Variants in FOCAD observed in about 807,000 individuals in gnomAD.
The protein encoded by FOCAD is KIAA1797.
Under a neutral mutation model 225.6 loss-of-function variants are expected in FOCAD, and 198 were observed. The ratio of observed to expected loss-of-function variants is 0.88; its 90% CI spans 0.78 to 0.99. FOCAD has a LOEUF of 0.99. Among genes scored for constraint, FOCAD ranks in the 50% least tolerant of loss-of-function variants. FOCAD has a pLI of 0.00. For missense variants in FOCAD, 2,713 were observed against 2,123.6 expected (o/e 1.28, Z -5.46); for synonymous variants, 897 against 755.0 (o/e 1.19, Z -3.08).
chr9:20,669,394 C>G (rs974898794), intron 2 of FOCAD, among the ~76,000 whole-genome samples: 6 of 152,130 alleles, frequency 3.9e-5, no homozygotes, highest in African/African-American at 1.4e-4. Flanking sequence ...CTTGGTTATT[C>G]TAAAATAATT....
intron 35 of FOCAD, among the ~76,000 whole-genome samples, chr9:20,954,376 T>G (rs1486294750): frequency 6.6e-6 from 1 of 152,156 alleles, no homozygotes; most frequent in Non-Finnish European, 1.5e-5. Context: ...CTGCTATATT[T>G]TTTGTTAGGT....
chr9:20,742,377 G>T (rs1273508652), intron 5 of FOCAD, among the ~76,000 whole-genome samples: 1 of 152,188 alleles, frequency 6.6e-6, no homozygotes, highest in Non-Finnish European at 1.5e-5. Flanking sequence ...TTGAAGTGCA[G>T]ATTCTTTTTC....
In FOCAD at chr9:20,935,346, G is replaced by A. The variant is rs533680405; in HGVS notation, c.3407+2243G>A. The stretch of plus-strand genomic sequence containing the variant: ...TTTTGACTTACGTTTATCATACAAG[G>A]CACATGTATGGGGACATGGATGCAT... On this transcript the variant is annotated intron_variant, in intron 28 of 43. Coordinates refer to ENST00000338382, the MANE Select transcript of FOCAD (RefSeq NM_001375567.1). Among the ~76,000 whole-genome samples the A allele has an allele frequency of 9.2e-5, 14 of 152,218 alleles. No homozygotes were observed. In the South Asian group the frequency reaches 2.7e-3, roughly 29 times the overall value.
intron 7 of FOCAD, 64 bp downstream of exon 7, chr9:20,765,137 A>G (rs113175785): frequency 2.1e-6 from 3 of 1,412,638 alleles, no homozygotes; most frequent in Non-Finnish European, 1.9e-6. Flanking sequence ...ATTGTCATAG[A>G]CAAAGTAGTT....
intron 27 of FOCAD, among the ~76,000 whole-genome samples, chr9:20,930,263 T>A (rs1835343557): frequency 1.3e-5 from 2 of 152,330 alleles, no homozygotes; most frequent in South Asian, 4.1e-4. Context: ...AAGGTTTTTT[T>A]AGTGCATCAG....
chr9:20,725,289 G>T (rs1460948682), intron 4 of FOCAD, among the ~76,000 whole-genome samples: 1 of 152,100 alleles, frequency 6.6e-6, no homozygotes, highest in Non-Finnish European at 1.5e-5. Flanking sequence ...TCTTTAATTA[G>T]AGGTTTATTG....
intron 4 of FOCAD, among the ~76,000 whole-genome samples, chr9:20,738,320 A>G (rs779410165): frequency 2.6e-5 from 4 of 152,234 alleles, no homozygotes; most frequent in Non-Finnish European, 2.9e-5. Flanking sequence ...TCTAGTTTAC[A>G]AAAAGATTTC....
At chr9:20,718,384 A>G (rs1471141336) in intron 3 of FOCAD, among the ~76,000 whole-genome samples, 2 of 152,214 alleles carry the variant, frequency 1.3e-5, no homozygotes, top group East Asian at 3.8e-4. Context: ...GCTTACTGAG[A>G]TACACTTGGG....
rs1288949452 is a variant in FOCAD, at chr9:20,862,659, A to G, written c.2002A>G (p.Ser668Gly). The change falls in exon 16 of 44, where the codon AGT becomes GGT. Residue 668 changes from serine to glycine, a missense_variant. Ser to Gly is a moderately conservative substitution (Grantham distance 56, BLOSUM62 0). Coordinates refer to ENST00000338382, the MANE Select transcript of FOCAD (RefSeq NM_001375567.1). ...DTRPLILKTL[S>G]ELFSLVPSLT... ...AAGACCTCTCATTCTGAAGACACTG[A>G]GTGAACTATTTTCTCTAGTTCCTTC... 1.2e-6 allele frequency: 2 copies of G among 1,613,628 alleles called. No homozygotes were observed. The highest frequency in any genetic ancestry group is 1.7e-6 in the Non-Finnish European group (2 of 1,179,658).
chr9:20,912,815 A>T, intron 22 of FOCAD, 51 bp from the exon 23 acceptor site: 1 of 1,460,216 alleles, frequency 6.8e-7, no homozygotes, highest in Non-Finnish European at 9.6e-7. Context: ...AAATTTTAAG[A>T]TCACTTCAGC....
At chr9:20,707,487 C>T (rs921744907) in intron 1 of FOCAD, among the ~76,000 whole-genome samples, 19 of 152,136 alleles carry the variant, frequency 1.2e-4, no homozygotes, top group African/African-American at 3.6e-4. Context: ...TCCCCAAGAA[C>T]TTAACTACCA....
intron 11 of FOCAD, among the ~76,000 whole-genome samples, chr9:20,813,997 C>T (rs375192121): frequency 7.9e-5 from 12 of 152,006 alleles, no homozygotes; most frequent in African/African-American, 1.9e-4. Flanking sequence ...TCTCTTGTGA[C>T]GATTTTTTAT....
intron 6 of FOCAD, among the ~76,000 whole-genome samples, chr9:20,763,732 G>C (rs1014724330): frequency 1.3e-5 from 2 of 152,150 alleles, no homozygotes; most frequent in Non-Finnish European, 2.9e-5. Flanking sequence ...TGAATGAAGA[G>C]CAAGAAATGA....
At chr9:20,912,748 G>C in intron 22 of FOCAD, 118 bp from the exon 23 acceptor site, 1 of 713,046 alleles carries the variant, frequency 1.4e-6, no homozygotes, top group Non-Finnish European at 2.4e-6. Flanking sequence ...ATAATCTAAT[G>C]TCTTACCCAG....
intron 5 of FOCAD, among the ~76,000 whole-genome samples, chr9:20,751,695 A>G (rs1828565675): frequency 6.7e-6 from 1 of 148,978 alleles, no homozygotes; most frequent in Admixed American, 6.7e-5. Context: ...ACTGGGTCAA[A>G]TGGTATTTCT....
chr9:20,783,359 G>A (rs780805818), intron 10 of FOCAD, among the ~76,000 whole-genome samples: 18 of 152,046 alleles, frequency 1.2e-4, no homozygotes, highest in Non-Finnish European at 1.0e-4. Flanking sequence ...TTTAAAAAAT[G>A]TAAGCCACAT....
intron 35 of FOCAD, among the ~76,000 whole-genome samples, chr9:20,969,088 T>C (rs1237043623): frequency 2.0e-5 from 3 of 152,244 alleles, no homozygotes; most frequent in African/African-American, 7.2e-5. Context: ...CCAGTTTTTT[T>C]GGAAATCTGT....
At chr9:20,880,793 G>A (rs965752287) in intron 19 of FOCAD, among the ~76,000 whole-genome samples, 43 of 152,062 alleles carry the variant, frequency 2.8e-4, no homozygotes, top group Admixed American at 8.5e-4. Flanking sequence ...CTTGCTTTTT[G>A]TTTCTGTAAG....
intron 21 of FOCAD, among the ~76,000 whole-genome samples, chr9:20,888,229 C>T (rs747328760): frequency 1.3e-5 from 2 of 149,882 alleles, no homozygotes; most frequent in Non-Finnish European, 1.5e-5. Flanking sequence ...ACCTCCGCCT[C>T]CTGGGCTCAA....
Sources: allele counts gnomAD v4.1 joint callset (sites outside exome capture counted in the v4.1 genomes callset), GRCh38; gene constraint gnomAD v4.1.1; transcripts MANE v1.5; gene names NCBI Gene and HGNC (gene_info 2026-07-23, HGNC 2026-07-21).